TMEM232: variants seen among roughly 807,000 people sequenced by gnomAD.
The protein encoded by TMEM232 is transmembrane protein 232.
In TMEM232, 80 loss-of-function variants were observed where a neutral mutation model predicts 78.8. The observed-to-expected ratio is 1.01, with a 90% CI of 0.85 to 1.22. TMEM232 has a LOEUF of 1.22. TMEM232 is among the 50% of genes most tolerant of loss of function. TMEM232 has a pLI of 0.00. For missense variants in TMEM232, 881 were observed against 742.2 expected (o/e 1.19, Z -2.17); for synonymous variants, 297 against 254.3 (o/e 1.17, Z -1.60).
chr5:110,397,310 T>C (rs990728270), intron 3 of TMEM232, among the ~76,000 whole-genome samples: 1 of 152,194 alleles, frequency 6.6e-6, no homozygotes, highest in African/African-American at 2.4e-5. Flanking sequence ...CTTATACCTA[T>C]GGTAGCTATT....
At chr5:110,664,794 A>G (rs751933647) in intron 2 of TMEM232, among the ~76,000 whole-genome samples, 1 of 152,196 alleles carries the variant, frequency 6.6e-6, no homozygotes, top group Admixed American at 6.5e-5. Context: ...TAAGGACACT[A>G]ATCTCATAAT....
intron 1 of TMEM232, among the ~76,000 whole-genome samples, chr5:110,707,491 TC>T (rs1438252233): frequency 1.3e-5 from 2 of 152,146 alleles, no homozygotes; most frequent in Middle Eastern, 3.2e-3. Flanking sequence ...GAATCACCCA[TC>T]CCAGCAGTTG....
intron 3 of TMEM232, among the ~76,000 whole-genome samples, chr5:110,395,767 A>T (rs1755361970): frequency 6.6e-6 from 1 of 152,152 alleles, no homozygotes; most frequent in Non-Finnish European, 1.5e-5. Flanking sequence ...CTCTCTTATG[A>T]CTAGATCTGG....
intron 1 of TMEM232, chr5:110,667,573 T>A (rs1435844999): frequency 6.4e-6 from 2 of 311,878 alleles, no homozygotes; most frequent in Non-Finnish European, 1.1e-5. Context: ...AGTATATATA[T>A]CCAGTCTTTA....
At chr5:110,610,008 G>C (rs1299919103) in intron 8 of TMEM232, among the ~76,000 whole-genome samples, 2 of 151,878 alleles carry the variant, frequency 1.3e-5, no homozygotes, top group African/African-American at 2.4e-5. Context: ...AAACCACAAA[G>C]AAAAGCCTTG....
intron 1 of TMEM232, chr5:110,667,587 T>C (rs959536848): frequency 7.6e-6 from 2 of 262,942 alleles, no homozygotes; most frequent in Non-Finnish European, 1.4e-5. Context: ...GTCTTTATTA[T>C]GCTTTAGCAG....
At chr5:110,553,435 C>G (rs923906866) in intron 11 of TMEM232, among the ~76,000 whole-genome samples, 2 of 151,988 alleles carry the variant, frequency 1.3e-5, no homozygotes, top group African/African-American at 4.8e-5. Context: ...TTGTAGATAT[C>G]TTTTTTTCCC....
In TMEM232 at chr5:110,735,385, T is replaced by C. The variant is rs373381230; in HGVS notation, c.-125-370A>G. 1.1e-3 allele frequency among the ~76,000 whole-genome samples: 168 copies of C among 152,366 alleles called. 3 individuals carry two copies. The South Asian group carries it at 0.034, about 30-fold the overall frequency. On this transcript the variant is annotated intron_variant, in intron 1 of 4. Transcript: ENST00000512886. ...CGTTGGGGGGTGGTTATACTATTTC[T>C]ATCATATTATTTTCAAGGAAAATTA... is the stretch of plus-strand genomic sequence containing the variant.
intron 2 of TMEM232, among the ~76,000 whole-genome samples, chr5:110,647,772 A>C (rs1483798604): frequency 6.6e-6 from 1 of 151,956 alleles, no homozygotes; most frequent in Non-Finnish European, 1.5e-5. Context: ...TGGTTGTGCT[A>C]ACCAATGCAG....
chr5:110,700,493 C>T (rs1795301904), intron 1 of TMEM232, among the ~76,000 whole-genome samples: 1 of 152,008 alleles, frequency 6.6e-6, no homozygotes, highest in Non-Finnish European at 1.5e-5. Flanking sequence ...TCCAGCAACT[C>T]ACTGGTCAGA....
At chr5:110,551,931 A>C (rs1413002891) in intron 11 of TMEM232, among the ~76,000 whole-genome samples, 1 of 152,080 alleles carries the variant, frequency 6.6e-6, no homozygotes, top group East Asian at 1.9e-4. Flanking sequence ...TCAGCAAACC[A>C]AAAATAAAAA....
intron 12 of TMEM232, among the ~76,000 whole-genome samples, chr5:110,503,044 T>A (rs1297730701): frequency 6.6e-6 from 1 of 152,220 alleles, no homozygotes; most frequent in Non-Finnish European, 1.5e-5. Context: ...ATATTTTTCT[T>A]GTTTGTCACC....
At chr5:110,651,819 A>G (rs774422027) in intron 2 of TMEM232, among the ~76,000 whole-genome samples, 1 of 152,074 alleles carries the variant, frequency 6.6e-6, no homozygotes, top group African/African-American at 2.4e-5. Context: ...TTCAGGTCGC[A>G]TAATTACAAA....
chr5:110,460,149 T>G (rs892027854), intron 12 of TMEM232, among the ~76,000 whole-genome samples: 1 of 152,186 alleles, frequency 6.6e-6, no homozygotes, highest in Non-Finnish European at 1.5e-5. Context: ...GATAGCATTA[T>G]ATCAATTTTA....
chr5:110,411,582 T>C (rs186099017), intron 2 of TMEM232, among the ~76,000 whole-genome samples: 5 of 152,290 alleles, frequency 3.3e-5, no homozygotes, highest in Non-Finnish European at 7.4e-5. Context: ...AACTAAAACA[T>C]TAAAAAACAA....
At chr5:110,591,771 G>GT (rs965668365) in intron 10 of TMEM232, among the ~76,000 whole-genome samples, 2 of 152,020 alleles carry the variant, frequency 1.3e-5, no homozygotes. Flanking sequence ...CCAGATCTGG[G>GT]TTTTTTTCAC....
At chr5:110,737,470 C>T (rs1430935956) in intron 1 of TMEM232, among the ~76,000 whole-genome samples, 1 of 152,108 alleles carries the variant, frequency 6.6e-6, no homozygotes, top group Non-Finnish European at 1.5e-5. Flanking sequence ...AAACTGCTCT[C>T]CATCAGAAAG....
intron 8 of TMEM232, among the ~76,000 whole-genome samples, chr5:110,612,495 G>A (rs1782432740): frequency 6.6e-6 from 1 of 152,074 alleles, no homozygotes; most frequent in South Asian, 2.1e-4. Context: ...GAATGCTCTA[G>A]GTTAGACCAT....
intron 12 of TMEM232, among the ~76,000 whole-genome samples, chr5:110,516,427 G>A (rs749649135): frequency 7.0e-4 from 106 of 152,190 alleles, no homozygotes; most frequent in Non-Finnish European, 1.4e-3. Context: ...TGGGAATTGG[G>A]TTTTTAAAAT....
Sources: allele counts gnomAD v4.1 joint callset (sites outside exome capture counted in the v4.1 genomes callset), GRCh38; gene constraint gnomAD v4.1.1; transcripts MANE v1.5; gene names NCBI Gene and HGNC (gene_info 2026-07-23, HGNC 2026-07-21).